The following COBL variants were observed in gnomAD, a reference collection of about 807,000 sequenced individuals.
The protein encoded by COBL is cordon-bleu WH2 repeat protein.
COBL carries 51 observed loss-of-function variants against 98.8 expected under a neutral mutation model. The ratio of observed to expected loss-of-function variants is 0.52; its 90% confidence interval spans 0.41 to 0.65. COBL has a LOEUF of 0.65. COBL is among the 30% of genes least tolerant of loss of function. The pLI is 0.00. For synonymous variants in COBL, 634 were observed against 651.7 expected (o/e 0.97, Z 0.41); for missense variants, 1,617 against 1,617.5 (o/e 1.00, Z 0.01).
At chr7:51,188,509 A>C (rs1789763041) in intron 4 of COBL, among the ~76,000 whole-genome samples, 1 of 152,246 alleles carries the variant, frequency 6.6e-6, no homozygotes, top group African/African-American at 2.4e-5. Context: ...CTGGCATGGC[A>C]CAGGCATGGT....
At chr7:51,277,573 C>T (rs11761297) in intron 1 of COBL, among the ~76,000 whole-genome samples, 8,006 of 152,264 alleles carry the variant, frequency 0.053, 316 homozygotes, top group Middle Eastern at 0.12. Context: ...CCCGCCCACC[C>T]GACTTTGGGC....
chr7:51,211,460 G>A (rs801140), intron 2 of COBL, among the ~76,000 whole-genome samples: 95,172 of 152,080 alleles, frequency 0.63, 30,504 homozygotes, highest in East Asian at 0.75. Context: ...ACATTTTTAA[G>A]GCACCGAGCA....
At position 51,027,870 on chromosome 7, in the gene COBL, C is replaced by G; in HGVS notation, c.3226G>C (p.Asp1076His). ...REEKPSVFSTDGNETDSIWPP... is the reference protein window; with the variant it reads ...REEKPSVFSTHGNETDSIWPP... ...CAAATACTGTCTGTTTCATTTCCAT[C>G]TGTAGAGAACACACTGGGCTTTTCC... The change falls in exon 10 of 13, where the codon GAT becomes CAT. Residue 1076 changes from aspartate to histidine, a missense_variant. By Grantham distance (81) the Asp-to-His change is moderately conservative. Coordinates refer to ENST00000265136, the MANE Select transcript of COBL (RefSeq NM_015198.5). 6.2e-7 allele frequency: 1 copy of G among 1,614,248 alleles called. No homozygotes were observed. Among genetic ancestry groups the G allele is most frequent in the Non-Finnish European group, 8.5e-7 (1 of 1,180,052 alleles).
chr7:51,047,694 G>A (rs1007034046), intron 7 of COBL, among the ~76,000 whole-genome samples: 25 of 152,052 alleles, frequency 1.6e-4, no homozygotes, highest in African/African-American at 4.8e-4. Context: ...AAGCTACCTC[G>A]CCACCTCACA....
chr7:51,196,214 T>C (rs1790579250), intron 2 of COBL, among the ~76,000 whole-genome samples: 1 of 152,238 alleles, frequency 6.6e-6, no homozygotes, highest in African/African-American at 2.4e-5. Context: ...TGAAGGGATG[T>C]TGAATTTTAT....
chr7:51,022,030 C>T (rs1786990627), intron 12 of COBL, among the ~76,000 whole-genome samples: 1 of 152,108 alleles, frequency 6.6e-6, no homozygotes, highest in Non-Finnish European at 1.5e-5. Flanking sequence ...TTCCTGCCCT[C>T]CTAGGGCAGG....
chr7:51,154,628 A>G (rs968392677), intron 5 of COBL, among the ~76,000 whole-genome samples: 1 of 152,208 alleles, frequency 6.6e-6, no homozygotes, highest in Admixed American at 6.5e-5. Flanking sequence ...TGGCTGGGCC[A>G]TGGGTATCAT....
chr7:51,259,979 G>A (rs1194365836), intron 1 of COBL: 3 of 752,576 alleles, frequency 4.0e-6, no homozygotes, highest in East Asian at 2.4e-5. Context: ...ATCTTGTCAC[G>A]TTTCTGCCAC....
At chr7:51,198,953 C>T (rs1017029927) in intron 2 of COBL, among the ~76,000 whole-genome samples, 4 of 152,216 alleles carry the variant, frequency 2.6e-5, no homozygotes, top group Non-Finnish European at 4.4e-5. Context: ...CTGGCAGGCT[C>T]ATAGGCTTTG....
chr7:51,295,279 C>A (rs570388233), intron 1 of COBL, among the ~76,000 whole-genome samples: 2 of 116,134 alleles, frequency 1.7e-5, no homozygotes, highest in East Asian at 5.0e-4. Context: ...GGGCAAGACT[C>A]TGGCTCAAAA....
intron 1 of COBL, among the ~76,000 whole-genome samples, chr7:51,300,141 T>A (rs1349576839): frequency 3.9e-5 from 1 of 25,962 alleles, no homozygotes; most frequent in Non-Finnish European, 8.1e-5. Flanking sequence ...TTTGCTTTTC[T>A]GTTTTGTTTT....
At chr7:51,106,331 T>C (rs1204137660) in intron 6 of COBL, among the ~76,000 whole-genome samples, 1 of 152,200 alleles carries the variant, frequency 6.6e-6, no homozygotes, top group African/African-American at 2.4e-5. Flanking sequence ...GAACAAGCTA[T>C]GCTTTTATTT....
intron 6 of COBL, among the ~76,000 whole-genome samples, chr7:51,109,686 G>A (rs1175018655): frequency 6.6e-6 from 1 of 152,054 alleles, no homozygotes; most frequent in African/African-American, 2.4e-5. Flanking sequence ...TAAAAAAACT[G>A]ACTACATGCC....
At chr7:51,201,659 G>T (rs1349995552) in intron 2 of COBL, among the ~76,000 whole-genome samples, 1 of 152,148 alleles carries the variant, frequency 6.6e-6, no homozygotes, top group African/African-American at 2.4e-5. Flanking sequence ...GAAGAATACA[G>T]ATTCTTCTCA....
intron 1 of COBL, among the ~76,000 whole-genome samples, chr7:51,239,625 C>T (rs1584275821): frequency 2.6e-5 from 4 of 152,300 alleles, no homozygotes. Context: ...CCTTACTCTA[C>T]AGATTTGCCT....
At chr7:51,022,106 G>T (rs1043156794) in intron 12 of COBL, among the ~76,000 whole-genome samples, 6 of 152,068 alleles carry the variant, frequency 3.9e-5, no homozygotes, top group African/African-American at 1.4e-4. Flanking sequence ...GGGATCACCG[G>T]GCATGGTAGT....
chr7:51,136,059 C>T, intron 6 of COBL, 99 bp downstream of exon 6: 3 of 1,444,726 alleles, frequency 2.1e-6, no homozygotes, highest in Non-Finnish European at 2.8e-6. Context: ...TCGCTACAGC[C>T]ACAAACATGA....
intron 6 of COBL, among the ~76,000 whole-genome samples, chr7:51,093,960 T>A (rs1037747820): frequency 1.3e-5 from 2 of 150,960 alleles, no homozygotes; most frequent in Admixed American, 1.3e-4. Context: ...AACAGATACT[T>A]GGATAAATTG....
rs76384449 is a variant in COBL at position 51,179,904 on chromosome 7, T to C, written c.783+4198A>G. On this transcript the variant is annotated intron_variant, in intron 5 of 12. Coordinates refer to ENST00000265136, the MANE Select transcript of COBL (RefSeq NM_015198.5). ...CTGAAATGATTTTTGTGACTTCTTT[T>C]TGTTTGAAACACAGTAGGTTCTTTT... 2.0e-3 allele frequency among the ~76,000 whole-genome samples: 306 copies of C among 152,334 alleles called. 1 individual carries two copies. Among genetic ancestry groups the C allele is most frequent in the African/African-American group, 7.2e-3 (300 of 41,580 alleles).
Sources: allele counts gnomAD v4.1 joint callset (sites outside exome capture counted in the v4.1 genomes callset), GRCh38; gene constraint gnomAD v4.1.1; transcripts MANE v1.5; gene names NCBI Gene and HGNC (gene_info 2026-07-23, HGNC 2026-07-21).